Variants in DDX60L observed in about 807,000 individuals in gnomAD.
DDX60L encodes the protein probable ATP-dependent RNA helicase DDX60-like.
DDX60L carries 191 observed loss-of-function variants against 211.6 expected under a neutral mutation model. The ratio of observed to expected loss-of-function variants is 0.90; its 90% CI spans 0.80 to 1.02. The LOEUF is 1.02. Ranked by LOEUF, DDX60L falls within the 50% of genes least tolerant of loss-of-function variation. The pLI is 0.00. For missense variants in DDX60L, 2,007 were observed against 1,984.1 expected, an observed-to-expected ratio of 1.01 and a Z score of -0.22; for synonymous variants, 706 against 694.1, an observed-to-expected ratio of 1.02 and a Z score of -0.27.
intron 5 of DDX60L, among the ~76,000 whole-genome samples, chr4:168,459,524 G>T (rs1439620939): frequency 1.3e-5 from 2 of 152,008 alleles, no homozygotes; most frequent in Admixed American, 6.6e-5. Flanking sequence ...GGCCAAGGTG[G>T]GTGGATCACC....
chr4:168,462,133 C>T (rs1490848730), intron 4 of DDX60L, 93 bp from the exon 5 acceptor site: 3 of 930,164 alleles, frequency 3.2e-6, no homozygotes, highest in Non-Finnish European at 4.8e-6. Context: ...CTATACAGGA[C>T]TGAACTCATG....
chr4:168,460,746 G>A (rs1482067078), intron 5 of DDX60L, among the ~76,000 whole-genome samples: 1 of 152,122 alleles, frequency 6.6e-6, no homozygotes, highest in Non-Finnish European at 1.5e-5. Flanking sequence ...GGCCGCACAG[G>A]GTAAGGACTC....
chr4:168,465,099 A>T (rs749826598), intron 4 of DDX60L, among the ~76,000 whole-genome samples: 1 of 151,952 alleles, frequency 6.6e-6, no homozygotes, highest in African/African-American at 2.4e-5. Context: ...TACTGAATTA[A>T]TTCAAATTCA....
chr4:168,361,290 CT>C, intron 36 of DDX60L, 79 bp from the exon 37 acceptor site: 1 of 877,842 alleles, frequency 1.1e-6, no homozygotes, highest in South Asian at 1.6e-5. Flanking sequence ...TAATAGTGGT[CT>C]GTCCATGGCA....
Position 168,379,361 on chromosome 4 carries a change from A to G in DDX60L, c.4363+2T>C. The G allele has an allele frequency of 6.4e-7, 1 of 1,557,322 alleles. No individual in the cohort carries two copies. On this transcript the variant is annotated splice_donor_variant, in intron 32 of 37. Coordinates refer to ENST00000682922, the MANE Select transcript of DDX60L (RefSeq NM_001012967.3). LOFTEE classifies it high-confidence loss of function. ...GACTACAGGTATAAAACCCAAGCTT[A>G]CCTTTCCAGGCTGGCTTACAGAGAT...
intron 1 of DDX60L, among the ~76,000 whole-genome samples, chr4:168,476,756 G>A (rs1759553944): frequency 6.6e-6 from 1 of 152,230 alleles, no homozygotes; most frequent in Non-Finnish European, 1.5e-5. Context: ...CTGAGAAGCA[G>A]TGATCTGGCC....
chr4:168,462,132 ACTGAACT>A (rs1757398982), intron 4 of DDX60L, 92 bp from the exon 5 acceptor site: 1 of 938,398 alleles, frequency 1.1e-6, no homozygotes, highest in East Asian at 2.6e-5. Flanking sequence ...GCTATACAGG[ACTGAACT>A]CATGTGATCT....
Position 168,419,345 on chromosome 4 carries a change from CGAT to C in DDX60L, c.2564_2566del (p.His855del). ...TCTGATCCTTTCCACCCATTTTTGG[CGAT>C]GAGGAGCAAGCAACAGGATTTCAAA... On this transcript the variant is annotated inframe_deletion, in exon 19 of 38. Transcript: ENST00000682922. The C allele has an allele frequency of 6.3e-7, 1 of 1,597,714 alleles. No individual in the cohort carries two copies. The highest frequency in any genetic ancestry group is 8.5e-7 in the Non-Finnish European group (1 of 1,170,964).
chr4:168,440,485 G>T (rs193169582), intron 10 of DDX60L, among the ~76,000 whole-genome samples: 6 of 152,226 alleles, frequency 3.9e-5, no homozygotes, highest in Admixed American at 2.0e-4. Flanking sequence ...CCTTAACAGA[G>T]CCAGCAAGTA....
At chr4:168,398,119 G>A (rs568091766) in intron 26 of DDX60L, among the ~76,000 whole-genome samples, 4 of 152,188 alleles carry the variant, frequency 2.6e-5, no homozygotes, top group Admixed American at 1.3e-4. Context: ...CCACACTCTC[G>A]GGGGCCCAGG....
chr4:168,406,525 C>T (rs1411439637), intron 23 of DDX60L, 77 bp downstream of exon 23: 59 of 1,013,452 alleles, frequency 5.8e-5, no homozygotes, highest in Non-Finnish European at 8.7e-5. Flanking sequence ...GTGTGCTTAC[C>T]TGTAGAGTAA....
intron 28 of DDX60L, among the ~76,000 whole-genome samples, chr4:168,392,613 G>C (rs1244355103): frequency 6.6e-6 from 1 of 152,110 alleles, no homozygotes; most frequent in Non-Finnish European, 1.5e-5. Flanking sequence ...GGAGGCCAAG[G>C]CAGGCCGATC....
chr4:168,461,823 A>G lies in DDX60L; in HGVS notation c.482T>C (p.Leu161Pro), dbSNP rs1309373966. The G allele has an allele frequency of 1.2e-6, 2 of 1,607,664 alleles. No homozygotes were observed. Among genetic ancestry groups the G allele is most frequent in the Admixed American group, 1.7e-5 (1 of 59,312 alleles). Reference protein sequence around the residue: ...SDLQTYLFNFLIIHSWGMKVN... With the variant: ...SDLQTYLFNFPIIHSWGMKVN... ...TTTCATTCCCCAGGAATGTATGATT[A>G]GGAAGTTAAAAAGGTACGTTTGTAA... Residue 161 changes from leucine (L) to proline (P), a missense_variant, in exon 5 of 38, where the codon CTA becomes CCA. Coordinates refer to ENST00000682922, the MANE Select transcript of DDX60L (RefSeq NM_001012967.3).
intron 17 of DDX60L, among the ~76,000 whole-genome samples, chr4:168,420,599 AACACACACACACATAC>A (rs1435049820): frequency 3.4e-5 from 4 of 116,616 alleles, no homozygotes; most frequent in African/African-American, 1.1e-4. Context: ...CTTGATTTTA[AACACACACACACATAC>A]ACACACACAC....
In DDX60L at chr4:168,391,641, C is replaced by T; in HGVS notation, c.3814G>A (p.Val1272Met). The change falls in exon 29 of 38, where the codon GTG becomes ATG. Residue 1272 changes from valine to methionine, a missense_variant. By Grantham distance (21) the Val-to-Met change is conservative. Transcript: ENST00000682922. ...AAGGCAAGTGTTTCAGTAGCTGTCA[C>T]TACCTAGGAAAAAAAAAAAAAAACA... ...ILFVKGLIRVVTATETLALGI... is the reference protein window; with the variant it reads ...ILFVKGLIRVMTATETLALGI... The T allele has an allele frequency of 7.0e-7, 1 of 1,423,046 alleles. No individual in the cohort carries two copies. The highest frequency in any genetic ancestry group is 2.4e-5 in the Admixed American group (1 of 41,518). The allele number at this position is 1,423,046 out of a possible 1,614,324, so 88.2% of individuals were successfully genotyped here. A position where few individuals can be genotyped will look rare whatever the true frequency, so the allele number is the denominator to read the frequency against.
intron 29 of DDX60L, among the ~76,000 whole-genome samples, chr4:168,388,613 TTAAC>T (rs1384324197): frequency 6.6e-6 from 1 of 152,188 alleles, no homozygotes; most frequent in Non-Finnish European, 1.5e-5. Flanking sequence ...ACCTGAGAAA[TTAAC>T]TAACTTGTCC....
At chr4:168,418,014 C>T (rs978540704) in intron 19 of DDX60L, among the ~76,000 whole-genome samples, 2 of 152,120 alleles carry the variant, frequency 1.3e-5, no homozygotes, top group African/African-American at 4.8e-5. Flanking sequence ...TTTTTAAAGC[C>T]TTCTTACAAT....
intron 24 of DDX60L, among the ~76,000 whole-genome samples, chr4:168,405,599 T>C (rs1283628703): frequency 1.3e-5 from 2 of 152,224 alleles, no homozygotes; most frequent in Non-Finnish European, 2.9e-5. Flanking sequence ...CTGTACTAAT[T>C]CCTGATCTCC....
chr4:168,403,966 A>G lies in DDX60L; in HGVS notation c.3338+16T>C. The G allele has an allele frequency of 7.0e-7, 1 of 1,419,692 alleles. No individual in the cohort carries two copies. The highest frequency in any genetic ancestry group is 9.4e-7 in the Non-Finnish European group (1 of 1,058,800). The allele number at this position is 1,419,692 out of a possible 1,614,324, so 87.9% of individuals were successfully genotyped here. ...CTCACATATAAACAAAGATAAATTA[A>G]GTTTCAGTTACTTACAAAAAAAATA... On this transcript the variant is annotated intron_variant, in intron 25 of 37. Transcript: ENST00000682922.
Sources: allele counts gnomAD v4.1 joint callset (sites outside exome capture counted in the v4.1 genomes callset), GRCh38; gene constraint gnomAD v4.1.1; transcripts MANE v1.5; gene names NCBI Gene and HGNC (gene_info 2026-07-23, HGNC 2026-07-21).